The following ARK2C variants were observed in gnomAD, a reference collection of about 807,000 sequenced individuals.
ARK2C encodes arkadia (RNF111) C-terminal like ring finger ubiquitin ligase 2C.
chr18:46,433,141 G>GGCC, the ARK2C span: 1 of 1,440,232 alleles, frequency 6.9e-7, no homozygotes, highest in South Asian at 1.4e-5. Flanking sequence ...TCAGTGTGGC[G>GGCC]GCCGCTCGTG....
the ARK2C span, among the ~76,000 whole-genome samples, chr18:46,444,101 G>T: frequency 7.2e-5 from 11 of 151,906 alleles, no homozygotes; most frequent in Non-Finnish European, 1.3e-4. Context: ...TTGCTTTGTT[G>T]TTGATGGGAA....
chr18:46,358,977 CTG>C, the ARK2C span, among the ~76,000 whole-genome samples: 1 of 152,210 alleles, frequency 6.6e-6, no homozygotes, highest in Non-Finnish European at 1.5e-5. Context: ...GTCCATGCCA[CTG>C]TGTGGGTCAG....
chr18:46,414,261 C>T, the ARK2C span, among the ~76,000 whole-genome samples: 1 of 152,220 alleles, frequency 6.6e-6, no homozygotes, highest in Admixed American at 6.5e-5. Flanking sequence ...GTGTCTTCTT[C>T]CTTAAGGGAA....
chr18:46,430,850 A>G, the ARK2C span, among the ~76,000 whole-genome samples: 2 of 152,078 alleles, frequency 1.3e-5, no homozygotes, highest in Non-Finnish European at 2.9e-5. Context: ...ATTGTTTTGA[A>G]GTTAATTTTT....
the ARK2C span, chr18:46,435,368 C>T: frequency 6.2e-7 from 1 of 1,614,056 alleles, no homozygotes; most frequent in Non-Finnish European, 8.5e-7. Flanking sequence ...GACACCTCAG[C>T]CCAGGTATTT....
At chr18:46,429,071 G>C in the ARK2C span, among the ~76,000 whole-genome samples, 4 of 152,148 alleles carry the variant, frequency 2.6e-5, no homozygotes, top group African/African-American at 9.7e-5. Context: ...GAAGGGAAGG[G>C]GGTCCGGTGC....
At chr18:46,395,156 G>T in the ARK2C span, among the ~76,000 whole-genome samples, 1 of 152,238 alleles carries the variant, frequency 6.6e-6, no homozygotes, top group South Asian at 2.1e-4. Flanking sequence ...AAAGATGGAA[G>T]TTGAACCAGT....
At chr18:46,386,553 T>C in the ARK2C span, 16 of 104,936 alleles carry the variant, frequency 1.5e-4, no homozygotes, top group Admixed American at 1.6e-3. Flanking sequence ...CATCAATCCA[T>C]CCATCCATCC....
chr18:46,398,722 A>G, the ARK2C span, among the ~76,000 whole-genome samples: 4 of 151,976 alleles, frequency 2.6e-5, no homozygotes, highest in African/African-American at 7.2e-5. Flanking sequence ...AGTGCCCTTA[A>G]AGCTCCTGGC....
At chr18:46,335,984 A>G in the ARK2C span, 2 of 985,150 alleles carry the variant, frequency 2.0e-6, no homozygotes, top group African/African-American at 3.5e-5. Context: ...TCCTGTCTCC[A>G]TCTGAGGAAG....
chr18:46,373,412 G>A, the ARK2C span, among the ~76,000 whole-genome samples: 3 of 152,228 alleles, frequency 2.0e-5, no homozygotes, highest in African/African-American at 7.2e-5. Context: ...CACCCAGCAA[G>A]TCGTGGGCTC....
chr18:46,379,060 C>A, the ARK2C span, among the ~76,000 whole-genome samples: 741 of 152,298 alleles, frequency 4.9e-3, 7 homozygotes, highest in African/African-American at 0.017. Flanking sequence ...AGCATCTGTT[C>A]CTCAGAGTGT....
the ARK2C span, among the ~76,000 whole-genome samples, chr18:46,344,136 G>A: frequency 3.9e-5 from 6 of 152,200 alleles, no homozygotes; most frequent in Admixed American, 1.3e-4. Flanking sequence ...TTAGATCTAA[G>A]TGCTGGCCTC....
At chr18:46,393,778 C>A in the ARK2C span, among the ~76,000 whole-genome samples, 1 of 152,218 alleles carries the variant, frequency 6.6e-6, no homozygotes, top group Non-Finnish European at 1.5e-5. Context: ...GTGGACTCAC[C>A]TTTTGGAGAG....
At chr18:46,456,090 C>T in the ARK2C span, 116 of 1,533,256 alleles carry the variant, frequency 7.6e-5, no homozygotes, top group Non-Finnish European at 6.2e-5. Flanking sequence ...GGTAGGAGAC[C>T]GCCATTTTGA....
At chr18:46,443,057 A>T in the ARK2C span, among the ~76,000 whole-genome samples, 1 of 152,164 alleles carries the variant, frequency 6.6e-6, no homozygotes, top group Non-Finnish European at 1.5e-5. Context: ...GACAGCATAT[A>T]CTTGGCAATT....
At chr18:46,371,212 C>G in the ARK2C span, among the ~76,000 whole-genome samples, 1 of 152,138 alleles carries the variant, frequency 6.6e-6, no homozygotes, top group Non-Finnish European at 1.5e-5. Context: ...TCCACCTGGC[C>G]CTGCCCTTGA....
At chr18:46,361,428 A>T in the ARK2C span, among the ~76,000 whole-genome samples, 1 of 152,234 alleles carries the variant, frequency 6.6e-6, no homozygotes, top group African/African-American at 2.4e-5. Flanking sequence ...ATGTACATTA[A>T]TATTTAACTG....
At chr18:46,362,866 C>T in the ARK2C span, among the ~76,000 whole-genome samples, 4 of 152,212 alleles carry the variant, frequency 2.6e-5, no homozygotes, top group Non-Finnish European at 5.9e-5. Context: ...TCAGTCCTTC[C>T]ACTTTCAGAT....
Sources: gnomAD v4.1 joint callset for allele counts (sites outside exome capture counted in the v4.1 genomes callset) on GRCh38, gnomAD v4.1.1 for gene constraint, MANE v1.5 for transcripts, NCBI Gene and HGNC (gene_info 2026-07-23, HGNC 2026-07-21) for gene names.